Variants in HCN1 observed in about 807,000 individuals in gnomAD.
HCN1 encodes the protein potassium/sodium hyperpolarization-activated cyclic nucleotide-gated channel 1.
Under a neutral mutation model 78.9 loss-of-function variants are expected in HCN1, and 13 were observed. The observed-to-expected ratio is 0.16, with a 90% CI of 0.11 to 0.26. The LOEUF (loss-of-function observed/expected upper bound fraction) is 0.26, where lower values mean the gene tolerates loss of function less well. HCN1 is among the 10% of genes least tolerant of loss of function. The pLI is 1.00. For synonymous variants in HCN1, 552 were observed against 455.5 expected (o/e 1.21, Z -2.70); for missense variants, 810 against 1,154.3 (o/e 0.70, Z 4.32).
chr5:45,649,659 T>C (rs1745639402), intron 1 of HCN1, among the ~76,000 whole-genome samples: 1 of 152,152 alleles, frequency 6.6e-6, no homozygotes, highest in African/African-American at 2.4e-5. Flanking sequence ...TATTTGTATG[T>C]GTTTCTTCCA....
chr5:45,411,049 C>T (rs1341869525), intron 3 of HCN1, among the ~76,000 whole-genome samples: 1 of 152,000 alleles, frequency 6.6e-6, no homozygotes, highest in Non-Finnish European at 1.5e-5. Context: ...GCTAAATACC[C>T]TTTTACTAGC....
intron 6 of HCN1, among the ~76,000 whole-genome samples, chr5:45,287,213 C>T (rs565682414): frequency 7.9e-5 from 12 of 151,758 alleles, no homozygotes; most frequent in African/African-American, 2.7e-4. Flanking sequence ...GAAAATTTAC[C>T]TGTTACTGTA....
chr5:45,319,502 G>C (rs1302613222), intron 5 of HCN1, among the ~76,000 whole-genome samples: 1 of 151,780 alleles, frequency 6.6e-6, no homozygotes, highest in Non-Finnish European at 1.5e-5. Context: ...TTGATCAGAT[G>C]AATAGCCTGT....
Position 45,396,924 on chromosome 5 carries a change from T to C in HCN1, c.1012-214A>G, listed in dbSNP as rs75449215. On this transcript the variant is annotated intron_variant, in intron 3 of 7. Coordinates refer to ENST00000303230, the MANE Select transcript of HCN1 (RefSeq NM_021072.4). ...TGAAGTGGAAACAGTCTGCTGTTACTTACATGCGCTTTGTCAGTTTTAAGT... is the reference window on the plus strand; with the variant it reads ...TGAAGTGGAAACAGTCTGCTGTTACCTACATGCGCTTTGTCAGTTTTAAGT... 0.034 allele frequency among the ~76,000 whole-genome samples: 5,108 copies of C among 152,300 alleles called. 280 individuals are homozygous for C. The highest frequency in any genetic ancestry group is 0.12 in the African/African-American group (4,810 of 41,548).
intron 1 of HCN1, among the ~76,000 whole-genome samples, chr5:45,650,004 A>T (rs1223355608): frequency 6.6e-6 from 1 of 152,098 alleles, no homozygotes; most frequent in Non-Finnish European, 1.5e-5. Flanking sequence ...TTAGATATCT[A>T]AAAAACAAAA....
chr5:45,434,199 T>G (rs2112080091), intron 3 of HCN1, among the ~76,000 whole-genome samples: 1 of 152,340 alleles, frequency 6.6e-6, no homozygotes, highest in East Asian at 1.9e-4. Flanking sequence ...AGTCTTCTGA[T>G]GCAACCTATT....
intron 1 of HCN1, among the ~76,000 whole-genome samples, chr5:45,650,804 C>A (rs764298503): frequency 1.3e-5 from 2 of 151,862 alleles, no homozygotes; most frequent in Admixed American, 6.6e-5. Flanking sequence ...TACCCACATG[C>A]AACCCTTTAA....
At chr5:45,627,687 T>C (rs1452682657) in intron 2 of HCN1, among the ~76,000 whole-genome samples, 1 of 152,186 alleles carries the variant, frequency 6.6e-6, no homozygotes, top group Admixed American at 6.5e-5. Context: ...TAAAATAAAA[T>C]CTAAAATCCC....
intron 2 of HCN1, among the ~76,000 whole-genome samples, chr5:45,491,768 G>A (rs564684570): frequency 2.0e-5 from 3 of 152,254 alleles, no homozygotes; most frequent in African/African-American, 7.2e-5. Flanking sequence ...AATAATATGT[G>A]CAAGCAAGTT....
intron 6 of HCN1, among the ~76,000 whole-genome samples, chr5:45,298,293 G>A (rs762283582): frequency 6.6e-6 from 1 of 152,002 alleles, no homozygotes; most frequent in Admixed American, 6.6e-5. Flanking sequence ...TCTTCCACAT[G>A]AGCATGTTCA....
rs148164999 is a variant in HCN1 at position 45,325,208 on chromosome 5, G to A, written c.1378-21369C>T. On this transcript the variant is annotated intron_variant, in intron 5 of 7. Coordinates refer to ENST00000303230, the MANE Select transcript of HCN1 (RefSeq NM_021072.4). ...ATTTAGAGGAAGACAGCACCTCTGC[G>A]GACTCATTTATGGTATTTTTTCTAA... is the stretch of plus-strand genomic sequence containing the variant. Among the ~76,000 whole-genome samples, 44 of 151,686 alleles carry A rather than the reference G, an allele frequency of 2.9e-4. 1 individual carries two copies. The highest frequency in any genetic ancestry group is 9.8e-4 in the East Asian group (5 of 5,112).
intron 4 of HCN1, among the ~76,000 whole-genome samples, chr5:45,396,130 C>T (rs1356601449): frequency 4.6e-5 from 7 of 152,096 alleles, no homozygotes; most frequent in Admixed American, 2.0e-4. Flanking sequence ...ACTTAATCAG[C>T]TAACATTTTT....
At position 45,552,907 on chromosome 5, in the gene HCN1, G is replaced by A. The variant is rs1743396483; in HGVS notation, c.850-90900C>T. 2.0e-5 allele frequency among the ~76,000 whole-genome samples: 3 copies of A among 151,804 alleles called. No individual in the cohort carries two copies. In the Admixed American group the frequency reaches 2.0e-4, roughly 10 times the overall value. On this transcript the variant is annotated intron_variant, in intron 2 of 7. Transcript: ENST00000303230. ...AATACGAAATCTTTTAACAGTAGATGGAGACACAAATAGGAGATCAGATAA... is the reference window on the plus strand; with the variant it reads ...AATACGAAATCTTTTAACAGTAGATAGAGACACAAATAGGAGATCAGATAA...
At chr5:45,423,620 G>A (rs1349455569) in intron 3 of HCN1, among the ~76,000 whole-genome samples, 1 of 151,934 alleles carries the variant, frequency 6.6e-6, no homozygotes, top group Non-Finnish European at 1.5e-5. Context: ...CTTCTTCTTT[G>A]AAACTATTTT....
intron 5 of HCN1, among the ~76,000 whole-genome samples, chr5:45,350,944 T>C (rs987457267): frequency 5.9e-5 from 9 of 152,100 alleles, no homozygotes; most frequent in East Asian, 3.9e-4. Flanking sequence ...AAAATGGCCA[T>C]ACTGCCCAAG....
intron 2 of HCN1, among the ~76,000 whole-genome samples, chr5:45,540,233 A>AT (rs891607143): frequency 2.0e-4 from 30 of 151,888 alleles, no homozygotes; most frequent in African/African-American, 6.0e-4. Flanking sequence ...TGTATGAGTG[A>AT]TTTTTTCCAT....
At chr5:45,509,374 T>A (rs777637847) in intron 2 of HCN1, among the ~76,000 whole-genome samples, 1 of 151,986 alleles carries the variant, frequency 6.6e-6, no homozygotes, top group Non-Finnish European at 1.5e-5. Flanking sequence ...CTATATATGC[T>A]CACAGGCTGA....
At chr5:45,566,926 G>C (rs1220534615) in intron 2 of HCN1, among the ~76,000 whole-genome samples, 1 of 152,150 alleles carries the variant, frequency 6.6e-6, no homozygotes, top group Non-Finnish European at 1.5e-5. Flanking sequence ...GTGTCAGTCT[G>C]TTCCCCTCAC....
intron 2 of HCN1, among the ~76,000 whole-genome samples, chr5:45,612,423 A>G (rs2111980593): frequency 6.6e-6 from 1 of 152,318 alleles, no homozygotes; most frequent in South Asian, 2.1e-4. Flanking sequence ...CCTAGCATAA[A>G]GGAAAGCACA....
Sources: gnomAD v4.1 joint callset for allele counts (sites outside exome capture counted in the v4.1 genomes callset) on GRCh38, gnomAD v4.1.1 for gene constraint, MANE v1.5 for transcripts, NCBI Gene and HGNC (gene_info 2026-07-23, HGNC 2026-07-21) for gene names.